ACSBG1: variants seen among roughly 807,000 people sequenced by gnomAD.
ACSBG1 encodes acyl-CoA synthetase bubblegum family member 1, also known as long-chain-fatty-acid--CoA ligase ACSBG1.
A neutral mutation model predicts 80.2 loss-of-function variants in ACSBG1; 39 were observed. That is an observed-to-expected ratio of 0.49 (90% CI 0.38 to 0.64). The LOEUF is 0.64. Among genes scored for constraint, ACSBG1 ranks in the 30% least tolerant of loss-of-function variants. The pLI, the probability that ACSBG1 is intolerant of heterozygous loss-of-function variation, is 0.00. For missense variants in ACSBG1, 828 were observed against 966.4 expected, an observed-to-expected ratio of 0.86 and a Z score of 1.90; for synonymous variants, 392 against 379.5, an observed-to-expected ratio of 1.03 and a Z score of -0.38.
intron 8 of ACSBG1, 37 bp from the exon 9 acceptor site, chr15:78,180,973 G>A: frequency 6.3e-7 from 1 of 1,593,966 alleles, no homozygotes; most frequent in Non-Finnish European, 8.6e-7. Flanking sequence ...GTTGGGTCAG[G>A]GGCATCTGGG....
chr15:78,207,463 T>C (rs971584661), intron 2 of ACSBG1, among the ~76,000 whole-genome samples: 4 of 152,180 alleles, frequency 2.6e-5, no homozygotes, highest in African/African-American at 7.2e-5. Flanking sequence ...TTATTATTAT[T>C]ATCATTTTGA....
intron 4 of ACSBG1, 127 bp from the exon 5 acceptor site, chr15:78,193,753 C>T: frequency 2.1e-6 from 3 of 1,443,424 alleles, no homozygotes; most frequent in Non-Finnish European, 2.8e-6. Flanking sequence ...GCTCCCAAGG[C>T]ACCTGAGCAC....
chr15:78,193,611 G>T lies in ACSBG1; in HGVS notation c.558C>A (p.Gly186=). The change falls in exon 5 of 14, where the codon GGC becomes GGA. Residue 186 remains glycine (G), a synonymous_variant. Coordinates refer to ENST00000258873, the MANE Select transcript of ACSBG1 (RefSeq NM_015162.5). ...GTVFAGGIVT[G]IYTTSSPEAC... The stretch of plus-strand genomic sequence containing the variant: ...CCTCTGGGGAGCTGGTGGTGTAGAT[G>T]CCAGTGACGATGCCACTGTAGGAGA... The T allele has an allele frequency of 6.2e-7, 1 of 1,611,216 alleles. No individual in the cohort carries two copies. Among genetic ancestry groups the T allele is most frequent in the Non-Finnish European group, 8.5e-7 (1 of 1,178,576 alleles).
intron 1 of ACSBG1, chr15:78,212,658 G>A (rs1455611442): frequency 2.2e-6 from 1 of 453,424 alleles, no homozygotes; most frequent in East Asian, 7.0e-5. Context: ...GAACCTCAGA[G>A]AACATGTCAC....
At chr15:78,175,437 G>A (rs1274094348) in intron 11 of ACSBG1, among the ~76,000 whole-genome samples, 5 of 152,194 alleles carry the variant, frequency 3.3e-5, no homozygotes, top group African/African-American at 1.2e-4. Context: ...CAGTGCAGCG[G>A]GGCAGTGAGA....
At chr15:78,209,852 G>A (rs954225020) in intron 1 of ACSBG1, among the ~76,000 whole-genome samples, 1 of 152,254 alleles carries the variant, frequency 6.6e-6, no homozygotes, top group Admixed American at 6.5e-5. Context: ...GTCCTTGGCT[G>A]TAATGTCCCA....
At chr15:78,203,917 T>C (rs1446521764) in intron 2 of ACSBG1, among the ~76,000 whole-genome samples, 1 of 151,992 alleles carries the variant, frequency 6.6e-6, no homozygotes, top group East Asian at 1.9e-4. Flanking sequence ...GGAGGGCCCC[T>C]CTCTCCAACA....
Position 78,169,845 on chromosome 15 carries a change from A to AACTT in ACSBG1, c.*1595_*1598dup, listed in dbSNP as rs1595875060. 6.6e-6 allele frequency: 1 copy of AACTT among 152,180 alleles called. No homozygotes were observed. The highest frequency in any genetic ancestry group is 1.9e-4 in the East Asian group (1 of 5,202). The allele number at this position is 152,180 out of a possible 1,614,324, so 9.4% of individuals were successfully genotyped here. ...AGCCAGAAGGGCTGAGTGTATTGTA[A>AACTT]ACTTATTCTTGCATGTTGCTGTCTG... On this transcript the variant is annotated 3_prime_UTR_variant, in exon 14 of 14. Transcript: ENST00000258873.
At chr15:78,192,196 C>G (rs2075063092) in intron 5 of ACSBG1, among the ~76,000 whole-genome samples, 1 of 152,076 alleles carries the variant, frequency 6.6e-6, no homozygotes, top group Non-Finnish European at 1.5e-5. Flanking sequence ...TTCCAGCAGC[C>G]TTGGCAAATG....
chr15:78,215,872 G>A (rs2075308613), intron 1 of ACSBG1, among the ~76,000 whole-genome samples: 1 of 152,160 alleles, frequency 6.6e-6, no homozygotes, highest in African/African-American at 2.4e-5. Context: ...AGATCAGGAA[G>A]GCTTGGGAAA....
intron 13 of ACSBG1, among the ~76,000 whole-genome samples, chr15:78,173,071 C>T (rs2074842153): frequency 6.6e-6 from 1 of 152,138 alleles, no homozygotes; most frequent in African/African-American, 2.4e-5. Context: ...ATCAGCTGGG[C>T]GCAGTGGCTC....
intron 1 of ACSBG1, among the ~76,000 whole-genome samples, chr15:78,229,926 C>T (rs957989137): frequency 1.3e-5 from 2 of 152,182 alleles, no homozygotes; most frequent in African/African-American, 4.8e-5. Context: ...AGTCTCATGG[C>T]CACCCGTAAC....
Position 78,172,830 on chromosome 15 carries a change from C to A in ACSBG1, c.2089+763G>T, listed in dbSNP as rs1001347903. On this transcript the variant is annotated intron_variant, in intron 13 of 13. Coordinates refer to ENST00000258873, the MANE Select transcript of ACSBG1 (RefSeq NM_015162.5). The surrounding 1 kb of genome is among the most constrained non-coding windows in gnomAD (Gnocchi z 4.1). ...GACTTCAGCTGAGGCTGCACCAGAG[C>A]CCTCTCCTGGTTCTGTGGGCAGTGG... Among the ~76,000 whole-genome samples, 1 of 152,222 alleles carries A rather than the reference C, an allele frequency of 6.6e-6. No individual in the cohort carries two copies. The highest frequency in any genetic ancestry group is 2.4e-5 in the African/African-American group (1 of 41,448).
chr15:78,183,326 C>T (rs2074968374), intron 5 of ACSBG1, among the ~76,000 whole-genome samples: 1 of 152,190 alleles, frequency 6.6e-6, no homozygotes, highest in African/African-American at 2.4e-5. Flanking sequence ...CCTGTAATCC[C>T]AGCACTTTGG....
Position 78,207,987 on chromosome 15 carries a change from C to T in ACSBG1, c.232+15G>A, listed in dbSNP as rs748702207. On this transcript the variant is annotated intron_variant, in intron 2 of 13. Coordinates refer to ENST00000258873, the MANE Select transcript of ACSBG1 (RefSeq NM_015162.5). ...TTCCCGCCCTGCCCCACCCTACCAC[C>T]CCCAGCTGGCTTACCTGGAGCATCC... The T allele has an allele frequency of 5.8e-5, 92 of 1,594,122 alleles. No individual in the cohort carries two copies. In the Admixed American group the frequency reaches 1.5e-3, roughly 26 times the overall value.
intron 1 of ACSBG1, among the ~76,000 whole-genome samples, chr15:78,215,373 G>A (rs1488130241): frequency 6.6e-6 from 1 of 152,192 alleles, no homozygotes; most frequent in Non-Finnish European, 1.5e-5. Flanking sequence ...AACCTCAACA[G>A]TGGCCAGGCA....
intron 11 of ACSBG1, chr15:78,174,948 C>T (rs2074868007): frequency 5.4e-6 from 1 of 184,832 alleles, no homozygotes. Context: ...TCACAATAAA[C>T]CAATAATGAA....
In ACSBG1 at chr15:78,171,285, G is replaced by A. The variant is rs978421978; in HGVS notation, c.*159C>T. 18 of 549,026 alleles carry A rather than the reference G, an allele frequency of 3.3e-5. No individual in the cohort carries two copies. Among genetic ancestry groups the A allele is most frequent in the Non-Finnish European group, 4.5e-5 (14 of 308,930 alleles). 34.0% of individuals were successfully genotyped at this position (549,026 alleles called of 1,614,324 possible). The stretch of plus-strand genomic sequence containing the variant: ...CTTGGAATTGTCAGCTATTGTTGGC[G>A]TAAGACCTGGTAAATGTAGAGCCAG... On this transcript the variant is annotated 3_prime_UTR_variant, in exon 14 of 14. Coordinates refer to ENST00000258873, the MANE Select transcript of ACSBG1 (RefSeq NM_015162.5).
intron 1 of ACSBG1, among the ~76,000 whole-genome samples, chr15:78,213,234 C>G (rs993035709): frequency 2.6e-5 from 4 of 152,218 alleles, no homozygotes; most frequent in Non-Finnish European, 5.9e-5. Flanking sequence ...TCTGCAATGG[C>G]GATTCACGCT....
Sources: allele counts gnomAD v4.1 joint callset (sites outside exome capture counted in the v4.1 genomes callset), GRCh38; gene constraint gnomAD v4.1.1; non-coding constraint Gnocchi (gnomAD v3.1); transcripts MANE v1.5; gene names NCBI Gene and HGNC (gene_info 2026-07-23, HGNC 2026-07-21).